The following TENM2 variants were observed in gnomAD, a reference collection of about 807,000 sequenced individuals.
The protein encoded by TENM2 is teneurin-2.
In TENM2, 52 loss-of-function variants were observed where a neutral mutation model predicts 245.2. That is an observed-to-expected ratio of 0.21 (90% CI 0.17 to 0.27). The LOEUF is 0.27. TENM2 is among the 10% of genes least tolerant of loss of function. TENM2 has a pLI of 1.00. For missense variants in TENM2, 3,046 were observed against 3,666.8 expected (o/e 0.83, Z 4.37); for synonymous variants, 1,363 against 1,438.9 (o/e 0.95, Z 1.19).
chr5:167,615,662 C>T (rs1777744325), intron 2 of TENM2, among the ~76,000 whole-genome samples: 1 of 152,064 alleles, frequency 6.6e-6, no homozygotes, highest in Admixed American at 6.6e-5. Flanking sequence ...TTAGTACCAT[C>T]ATTCAATAAA....
the TENM2 span, among the ~76,000 whole-genome samples, chr5:167,088,424 C>T: frequency 6.6e-6 from 1 of 151,898 alleles, no homozygotes; most frequent in Admixed American, 6.6e-5. Flanking sequence ...GTCAGGAGTT[C>T]GAGACTAGTC....
chr5:168,062,101 G>A (rs1380294390), exon 7 of TENM2: 7 of 1,612,546 alleles, frequency 4.3e-6, no homozygotes, highest in Middle Eastern at 1.7e-4. Context: ...CAGTGGTGAA[G>A]CAGAAGTTGG....
chr5:167,106,258 G>C, the TENM2 span, among the ~76,000 whole-genome samples: 1 of 152,124 alleles, frequency 6.6e-6, no homozygotes, highest in Non-Finnish European at 1.5e-5. Context: ...TTGTGGAAGA[G>C]TAAACTGAAG....
the TENM2 span, among the ~76,000 whole-genome samples, chr5:167,278,408 A>G: frequency 4.8e-4 from 73 of 152,260 alleles, no homozygotes; most frequent in African/African-American, 1.7e-3. Flanking sequence ...TATTAAGACC[A>G]TTTACATTTA....
At position 168,204,087 on chromosome 5, in the gene TENM2, T is replaced by C. The variant is rs566585130; in HGVS notation, c.3574+255T>C. ...GAGTGTATGTGCCATCATAGCTCAC[T>C]GCAACCTCGACTTCCCGGGCTCAAA... On this transcript the variant is annotated intron_variant, in intron 18 of 28. Coordinates refer to ENST00000518659, the Ensembl canonical transcript of TENM2. Among the ~76,000 whole-genome samples, 251 of 152,266 alleles carry C rather than the reference T, an allele frequency of 1.6e-3. 1 individual carries two copies. Among genetic ancestry groups the C allele is most frequent in the African/African-American group, 5.8e-3 (240 of 41,552 alleles).
intron 2 of TENM2, among the ~76,000 whole-genome samples, chr5:167,563,318 A>C (rs557374093): frequency 6.6e-6 from 1 of 152,136 alleles, no homozygotes; most frequent in East Asian, 1.9e-4. Flanking sequence ...TAGCCTTTCC[A>C]TGGTGGCTAT....
intron 2 of TENM2, among the ~76,000 whole-genome samples, chr5:167,425,221 G>T (rs181867033): frequency 6.6e-6 from 1 of 152,276 alleles, no homozygotes; most frequent in East Asian, 1.9e-4. Flanking sequence ...GTATAAAACT[G>T]CAATTCTCGT....
intron 25 of TENM2, among the ~76,000 whole-genome samples, chr5:168,242,209 G>A (rs559382040): frequency 2.3e-4 from 35 of 152,268 alleles, no homozygotes; most frequent in South Asian, 1.5e-3. Context: ...TTGGCCACCC[G>A]TATCTCTGAA....
intron 2 of TENM2, among the ~76,000 whole-genome samples, chr5:167,513,163 G>A (rs1169913641): frequency 6.6e-6 from 1 of 152,102 alleles, no homozygotes; most frequent in Non-Finnish European, 1.5e-5. Context: ...TGGATAGAAA[G>A]CAAGGAATAA....
At chr5:167,063,031 A>G in the TENM2 span, among the ~76,000 whole-genome samples, 1 of 152,188 alleles carries the variant, frequency 6.6e-6, no homozygotes, top group Non-Finnish European at 1.5e-5. Context: ...ATGTAGGTCA[A>G]CTGGTTTCTT....
intron 2 of TENM2, among the ~76,000 whole-genome samples, chr5:167,555,868 C>T (rs905316096): frequency 3.3e-5 from 5 of 152,042 alleles, no homozygotes; most frequent in Non-Finnish European, 7.4e-5. Context: ...TTTCAAATTC[C>T]ATAAGGCGAC....
intron 2 of TENM2, among the ~76,000 whole-genome samples, chr5:167,831,240 T>C (rs1190721714): frequency 6.6e-6 from 1 of 152,186 alleles, no homozygotes; most frequent in Non-Finnish European, 1.5e-5. Flanking sequence ...TCTGTGAGTA[T>C]GAGTTTATTC....
At chr5:167,266,828 A>C in the TENM2 span, among the ~76,000 whole-genome samples, 1 of 152,218 alleles carries the variant, frequency 6.6e-6, no homozygotes, top group African/African-American at 2.4e-5. Context: ...TACAGATAAA[A>C]GTCACGCCGG....
At chr5:167,733,097 A>T (rs1760551642) in intron 2 of TENM2, among the ~76,000 whole-genome samples, 1 of 152,112 alleles carries the variant, frequency 6.6e-6, no homozygotes, top group Non-Finnish European at 1.5e-5. Flanking sequence ...CCTCAATAGG[A>T]TTCCTCAGCT....
At chr5:167,522,166 C>T (rs574137636) in intron 2 of TENM2, among the ~76,000 whole-genome samples, 3 of 152,070 alleles carry the variant, frequency 2.0e-5, no homozygotes, top group Non-Finnish European at 4.4e-5. Context: ...CATGACAAGA[C>T]CTTTTTATAG....
At chr5:167,224,906 C>T in the TENM2 span, among the ~76,000 whole-genome samples, 18 of 151,848 alleles carry the variant, frequency 1.2e-4, no homozygotes, top group Non-Finnish European at 2.4e-4. Context: ...TTCCTTGTGG[C>T]GATCTTTCAC....
chr5:167,505,517 A>G lies in TENM2; in HGVS notation c.502+130044A>G, dbSNP rs1177187893. On this transcript the variant is annotated intron_variant, in intron 2 of 28. Transcript: ENST00000518659. ...TTTTGTCCACTGAACTGTAGTTATT[A>G]TATGAAAGCTAATGGAAATAGGAGA... is the stretch of plus-strand genomic sequence containing the variant. 2.0e-5 allele frequency among the ~76,000 whole-genome samples: 3 copies of G among 152,142 alleles called. No homozygotes were observed. The East Asian group carries it at 5.8e-4, about 30-fold the overall frequency.
intron 4 of TENM2, among the ~76,000 whole-genome samples, chr5:167,974,037 A>AGAAGGAAG (rs1554163793): frequency 8.0e-5 from 2 of 25,060 alleles, no homozygotes; most frequent in Non-Finnish European, 1.1e-4. Flanking sequence ...GGAAGGAAGG[A>AGAAGGAAG]GAAGGAAGGA....
intron 5 of TENM2, among the ~76,000 whole-genome samples, chr5:168,021,282 C>T (rs1317252307): frequency 2.0e-5 from 3 of 152,228 alleles, no homozygotes; most frequent in Non-Finnish European, 4.4e-5. Flanking sequence ...TACAGAATGA[C>T]TTTTTCAGCT....
Sources: gnomAD v4.1 joint callset for allele counts (sites outside exome capture counted in the v4.1 genomes callset) on GRCh38, gnomAD v4.1.1 for gene constraint, MANE v1.5 for transcripts, NCBI Gene and HGNC (gene_info 2026-07-23, HGNC 2026-07-21) for gene names.